Variants in ARHGAP44 observed in about 807,000 individuals in gnomAD.
ARHGAP44 encodes rho GTPase-activating protein 44.
ARHGAP44 carries 43 observed loss-of-function variants against 106.8 expected under a neutral mutation model. That is an observed-to-expected ratio of 0.40 (90% CI 0.32 to 0.52). The LOEUF is 0.52. Among genes scored for constraint, ARHGAP44 ranks in the 20% least tolerant of loss-of-function variants. The pLI, the probability that ARHGAP44 is intolerant of heterozygous loss-of-function variation, is 0.48. For synonymous variants in ARHGAP44, 439 were observed against 410.3 expected (o/e 1.07, Z -0.85); for missense variants, 866 against 1,050.5 (o/e 0.82, Z 2.43).
chr17:12,933,830 A>C (rs945158954), intron 7 of ARHGAP44, among the ~76,000 whole-genome samples: 2 of 147,762 alleles, frequency 1.4e-5, no homozygotes, highest in African/African-American at 5.0e-5. Flanking sequence ...TTATCTCCCC[A>C]TATTTCATCA....
At chr17:12,967,469 C>CA (rs2039423384) in intron 16 of ARHGAP44, among the ~76,000 whole-genome samples, 1 of 151,984 alleles carries the variant, frequency 6.6e-6, no homozygotes, top group African/African-American at 2.4e-5. Flanking sequence ...AATTCCTCAA[C>CA]AAAGACAGGC....
chr17:12,885,108 C>T (rs138423888), intron 1 of ARHGAP44, among the ~76,000 whole-genome samples: 1,729 of 152,204 alleles, frequency 0.011, 39 homozygotes, highest in African/African-American at 0.04. Flanking sequence ...ACCATATTGG[C>T]CAGGTTGGTC....
chr17:12,932,682 A>G (rs2038435071), intron 7 of ARHGAP44, among the ~76,000 whole-genome samples: 1 of 151,340 alleles, frequency 6.6e-6, no homozygotes, highest in Non-Finnish European at 1.5e-5. Context: ...ATTTTTGTAT[A>G]TGATGTGAGG....
chr17:12,913,733 C>T (rs1396087736), intron 4 of ARHGAP44, among the ~76,000 whole-genome samples: 1 of 130,374 alleles, frequency 7.7e-6, no homozygotes, highest in Non-Finnish European at 1.5e-5. Flanking sequence ...TTTGGGAGGC[C>T]GAGGCAGGTG....
chr17:12,913,946 G>A (rs1321036479), intron 4 of ARHGAP44, among the ~76,000 whole-genome samples: 1 of 124,504 alleles, frequency 8.0e-6, no homozygotes, highest in African/African-American at 2.9e-5. Flanking sequence ...TCCAGCCTGG[G>A]TGATAGAGTG....
chr17:12,860,579 T>C (rs2036040866), intron 1 of ARHGAP44, among the ~76,000 whole-genome samples: 1 of 152,350 alleles, frequency 6.6e-6, no homozygotes, highest in Middle Eastern at 3.4e-3. Flanking sequence ...TCTATTGATA[T>C]ATCCAGGGTT....
At chr17:12,851,203 T>C (rs1428219896) in intron 1 of ARHGAP44, among the ~76,000 whole-genome samples, 1 of 152,238 alleles carries the variant, frequency 6.6e-6, no homozygotes, top group Non-Finnish European at 1.5e-5. Flanking sequence ...GCACCTCCGC[T>C]GTGGCCTCTC....
At chr17:12,828,157 T>A (rs2034977297) in intron 1 of ARHGAP44, among the ~76,000 whole-genome samples, 1 of 152,186 alleles carries the variant, frequency 6.6e-6, no homozygotes, top group African/African-American at 2.4e-5. Context: ...ATTTTAAATA[T>A]TTCAACCTAA....
At chr17:12,825,457 A>ATT (rs1250049451) in intron 1 of ARHGAP44, among the ~76,000 whole-genome samples, 20 of 151,750 alleles carry the variant, frequency 1.3e-4, no homozygotes, top group Admixed American at 1.3e-3. Context: ...AGAGAGAGAG[A>ATT]GATTGATTGA....
At chr17:12,924,120 A>G (rs1387118075) in intron 6 of ARHGAP44, among the ~76,000 whole-genome samples, 5 of 152,250 alleles carry the variant, frequency 3.3e-5, no homozygotes, top group Non-Finnish European at 7.3e-5. Context: ...GTAGATTTGT[A>G]TATATTATCA....
chr17:12,803,966 CAG>C (rs1340812005), intron 1 of ARHGAP44, among the ~76,000 whole-genome samples: 1 of 152,144 alleles, frequency 6.6e-6, no homozygotes, highest in African/African-American at 2.4e-5. Context: ...GTTATAATAA[CAG>C]ATGTCATAAT....
chr17:12,944,990 T>A (rs190230621), intron 10 of ARHGAP44, among the ~76,000 whole-genome samples: 52 of 152,174 alleles, frequency 3.4e-4, no homozygotes, highest in African/African-American at 1.2e-3. Context: ...AAGAGCCACA[T>A]GTAAAAAATG....
Position 12,896,391 on chromosome 17 carries a change from G to T in ARHGAP44, c.94-16G>T. The T allele has an allele frequency of 6.3e-7, 1 of 1,577,138 alleles. No individual in the cohort carries two copies. The highest frequency in any genetic ancestry group is 8.6e-7 in the Non-Finnish European group (1 of 1,161,742). On this transcript the variant is annotated splice_polypyrimidine_tract_variant and intron_variant, in intron 2 of 20. Transcript: ENST00000379672. ...TTGCCCTCTCTCAGTGGCACCACCC[G>T]CTCTTCTCTCTGCAGGTGGAGAAGC...
chr17:12,860,293 C>T (rs1464242232), intron 1 of ARHGAP44, among the ~76,000 whole-genome samples: 7 of 152,158 alleles, frequency 4.6e-5, no homozygotes, highest in Non-Finnish European at 1.0e-4. Flanking sequence ...TTAAAGAATT[C>T]CTTATAAGGT....
At chr17:12,854,188 G>T (rs2035839251) in intron 1 of ARHGAP44, among the ~76,000 whole-genome samples, 1 of 152,172 alleles carries the variant, frequency 6.6e-6, no homozygotes, top group Non-Finnish European at 1.5e-5. Context: ...GAGGGTGCAG[G>T]AAGAAAACTG....
At chr17:12,950,382 G>T (rs916969850) in intron 12 of ARHGAP44, among the ~76,000 whole-genome samples, 31 of 152,156 alleles carry the variant, frequency 2.0e-4, no homozygotes, top group African/African-American at 7.0e-4. Context: ...TCCTGAAGAT[G>T]CGCCCAAGGG....
Position 12,789,755 on chromosome 17 carries a change from C to A in ARHGAP44, c.-84C>A. On this transcript the variant is annotated 5_prime_UTR_variant, in exon 1 of 21. Coordinates refer to ENST00000379672, the MANE Select transcript of ARHGAP44 (RefSeq NM_014859.6). ...CGCCGCCGTCGCCCGGGAGGCTCCG[C>A]GCGGGAGCCATGTAACCCTGCGGCG... The A allele has an allele frequency of 1.6e-6, 2 of 1,259,326 alleles. No individual in the cohort carries two copies. Among genetic ancestry groups the A allele is most frequent in the Non-Finnish European group, 2.1e-6 (2 of 969,898 alleles). The allele number at this position is 1,259,326 out of a possible 1,614,324, so 78.0% of individuals were successfully genotyped here.
intron 3 of ARHGAP44, among the ~76,000 whole-genome samples, chr17:12,898,112 T>A (rs2150923400): frequency 6.6e-6 from 1 of 152,146 alleles, no homozygotes; most frequent in South Asian, 2.1e-4. Flanking sequence ...GGGGAAGCTC[T>A]AGGGTTGGTC....
chr17:12,872,228 C>A (rs1448203635), intron 1 of ARHGAP44, among the ~76,000 whole-genome samples: 2 of 152,170 alleles, frequency 1.3e-5, no homozygotes, highest in Non-Finnish European at 2.9e-5. Context: ...TCATGAGAAT[C>A]ATATGCCTTC....
Sources: allele counts gnomAD v4.1 joint callset (sites outside exome capture counted in the v4.1 genomes callset), GRCh38; gene constraint gnomAD v4.1.1; transcripts MANE v1.5; gene names NCBI Gene and HGNC (gene_info 2026-07-23, HGNC 2026-07-21).